Variants in DVL2 observed in about 807,000 individuals in gnomAD.
DVL2 encodes segment polarity protein dishevelled homolog DVL-2.
DVL2 carries 38 observed loss-of-function variants against 69.8 expected under a neutral mutation model. That is an observed-to-expected ratio of 0.54 (90% confidence interval 0.42 to 0.71). DVL2 has a LOEUF of 0.71. Among genes scored for constraint, DVL2 ranks in the 30% least tolerant of loss-of-function variants. DVL2 has a pLI of 0.00. For synonymous variants in DVL2, 428 were observed against 392.4 expected (o/e 1.09, Z -1.07); for missense variants, 931 against 1,008.1 (o/e 0.92, Z 1.04).
Position 7,227,684 on chromosome 17 carries a change from G to A in DVL2, c.1202C>T (p.Thr401Ile). The change falls in exon 11 of 15, where the codon ACC becomes ATC. Residue 401 changes from threonine (T) to isoleucine (I), a missense_variant. Physicochemically the swap from Thr to Ile is moderately conservative, Grantham distance 89. Around this residue, in one of 3 missense-constraint regions of DVL2, gnomAD observed 555 missense variants for 588.8 expected, o/e 0.94. Coordinates refer to ENST00000005340, the MANE Select transcript of DVL2 (RefSeq NM_004422.3). ...PAYPGSSSMS[T>I]ITSGSSLPDG... is the part of the protein sequence containing the mutation. ...AGGCAAAGACGATCCAGATGTAATG[G>A]TGCTCATGGAGGAGGAACCTGGATA... 1 of 1,613,976 alleles carries A rather than the reference G, an allele frequency of 6.2e-7. No individual in the cohort carries two copies. Among genetic ancestry groups the A allele is most frequent in the South Asian group, 1.1e-5 (1 of 91,032 alleles).
At position 7,234,497 on chromosome 17, in the gene DVL2, G is replaced by C; in HGVS notation, c.-235C>G. The C allele has an allele frequency of 3.7e-6, 2 of 537,478 alleles. No individual in the cohort carries two copies. The highest frequency in any genetic ancestry group is 6.4e-6 in the Non-Finnish European group (2 of 310,760). 33.3% of individuals were successfully genotyped at this position (537,478 alleles called of 1,614,324 possible). On this transcript the variant is annotated 5_prime_UTR_variant, in exon 1 of 15. Coordinates refer to ENST00000005340, the MANE Select transcript of DVL2 (RefSeq NM_004422.3). ...GCCGCGCGCCACCGCCACCGACGCCGCGAGCTTCCTCCAGGTACCCGCCCA... is the reference window on the plus strand; with the variant it reads ...GCCGCGCGCCACCGCCACCGACGCCCCGAGCTTCCTCCAGGTACCCGCCCA...
In DVL2 at chr17:7,226,086, G is replaced by A; in HGVS notation, c.1990C>T (p.Leu664Phe). 6.3e-7 allele frequency: 1 copy of A among 1,595,588 alleles called. No individual in the cohort carries two copies. The highest frequency in any genetic ancestry group is 8.5e-7 in the Non-Finnish European group (1 of 1,169,640). Residue 664 changes from leucine (L) to phenylalanine (F), a missense_variant, in exon 15 of 15, where the codon CTC becomes TTC. By Grantham distance (22) the Leu-to-Phe change is conservative. This residue lies in a region of DVL2 where 314 missense variants were observed against 313.7 expected (regional missense o/e 1.00). Transcript: ENST00000005340. ...GAPNLRAHPGLHPYGPPPGMA... is the reference protein window; with the variant it reads ...GAPNLRAHPGFHPYGPPPGMA... Reference sequence around the variant, plus strand: ...CCAGGGGGCGGTCCATAGGGATGGAGCCCTGGGTGGGCTCGGAGATTAGGG... The same window carrying A: ...CCAGGGGGCGGTCCATAGGGATGGAACCCTGGGTGGGCTCGGAGATTAGGG...
At chr17:7,233,317 C>G (rs2071575800) in intron 1 of DVL2, among the ~76,000 whole-genome samples, 1 of 152,062 alleles carries the variant, frequency 6.6e-6, no homozygotes, top group Admixed American at 6.6e-5. Flanking sequence ...ATACGGCTGC[C>G]TGTGCTAGCA....
At chr17:7,231,183 G>T (rs2071537274) in intron 1 of DVL2, among the ~76,000 whole-genome samples, 7 of 152,162 alleles carry the variant, frequency 4.6e-5, no homozygotes, top group Admixed American at 3.9e-4. Context: ...TTCCAAAAAG[G>T]TCAGGCACGG....
In DVL2 at chr17:7,233,087, C is replaced by CAAAAAAAAAAAAAAAAAAAAAAAAAAAA. The variant is rs59984818; in HGVS notation, c.194+981_194+982insTTTTTTTTTTTTTTTTTTTTTTTTTTTT. Among the ~76,000 whole-genome samples, 13 of 36,292 alleles carry CAAAAAAAAAAAAAAAAAAAAAAAAAAAA rather than the reference C, an allele frequency of 3.6e-4. 1 individual carries two copies. Among genetic ancestry groups the CAAAAAAAAAAAAAAAAAAAAAAAAAAAA allele is most frequent in the Non-Finnish European group, 4.3e-4 (7 of 16,266 alleles). The allele number at this position is 36,292 out of a possible 152,430, so 23.8% of individuals were successfully genotyped here. A position where few individuals can be genotyped will look rare whatever the true frequency, so the allele number is the denominator to read the frequency against. On this transcript the variant is annotated intron_variant, in intron 1 of 14. Transcript: ENST00000005340. ...CCTGGGCGACAGAGCGAGACTGTCTCAAAAAAAAAAAAAAAAAAAAGCAGA... is the reference window on the plus strand; with the variant it reads ...CCTGGGCGACAGAGCGAGACTGTCTCAAAAAAAAAAAAAAAAAAAAAAAAAAAAAAAAAAAAAAAAAAAAAAAAGCAGA...
rs2071594353 is a variant in DVL2, at chr17:7,234,050, A to G, written c.194+19T>C. ...CTCTAGCAAAGCCCCCGCCGGTCCT[A>G]TCTAGGCCTTGCGCTCACCCGAAAT... On this transcript the variant is annotated intron_variant, in intron 1 of 14. Coordinates refer to ENST00000005340, the MANE Select transcript of DVL2 (RefSeq NM_004422.3). 6.2e-7 allele frequency: 1 copy of G among 1,613,026 alleles called. No homozygotes were observed. The highest frequency in any genetic ancestry group is 8.5e-7 in the Non-Finnish European group (1 of 1,179,850).
rs759789780 is a variant in DVL2 at position 7,227,574 on chromosome 17, G to A, written c.1232-39C>T. On this transcript the variant is annotated intron_variant, in intron 11 of 14. Coordinates refer to ENST00000005340, the MANE Select transcript of DVL2 (RefSeq NM_004422.3). ...CAACGGGTAACCAGAGTCAGGGATC[G>A]CTCCCACAAGGGCAATGGATCAGAC... The A allele has an allele frequency of 2.7e-5, 43 of 1,612,702 alleles. No individual in the cohort carries two copies. In the Admixed American group the frequency reaches 4.7e-4, roughly 18 times the overall value.
chr17:7,234,173 C>T lies in DVL2; in HGVS notation c.90G>A (p.Lys30=). The T allele has an allele frequency of 6.2e-7, 1 of 1,614,184 alleles. No homozygotes were observed. The highest frequency in any genetic ancestry group is 1.1e-5 in the South Asian group (1 of 91,088). ...TGATGCGCTCGGCGGGGACAGGGAT[C>T]TTCACCAGGTAGGGAGTCTCTTCCT... is the stretch of plus-strand genomic sequence containing the variant. The part of the protein sequence containing the change: ...LDEEETPYLV[K]IPVPAERITL... Residue 30 remains lysine (K), a synonymous_variant, in exon 1 of 15, where the codon AAG becomes AAA. Coordinates refer to ENST00000005340, the MANE Select transcript of DVL2 (RefSeq NM_004422.3).
At chr17:7,231,931 G>C (rs1484751465) in intron 1 of DVL2, among the ~76,000 whole-genome samples, 2 of 149,412 alleles carry the variant, frequency 1.3e-5, no homozygotes, top group African/African-American at 4.9e-5. Flanking sequence ...TAGACTGAAA[G>C]CTCCCAAGGA....
Position 7,226,639 on chromosome 17 carries a change from T to A in DVL2, c.1544A>T (p.Tyr515Phe). ...GTCATTGAGAGACAGGTTGACTAGG[T>A]CTGGAAAGCAAGGGAAGAGAGGAAG... ...FGDLSGGCESYLVNLSLNDND... is the reference protein window; with the variant it reads ...FGDLSGGCESFLVNLSLNDND... Residue 515 changes from tyrosine to phenylalanine, a missense_variant and splice_region_variant, in exon 14 of 15, where the codon TAC becomes TTC. This residue lies in a region of DVL2 where 314 missense variants were observed against 313.7 expected (regional missense o/e 1.00). Transcript: ENST00000005340. The A allele has an allele frequency of 1.9e-6, 3 of 1,547,576 alleles. No individual in the cohort carries two copies. The highest frequency in any genetic ancestry group is 2.3e-5 in the East Asian group (1 of 43,440).
chr17:7,229,092 G>C lies in DVL2; in HGVS notation c.957+43C>G. On this transcript the variant is annotated intron_variant, in intron 8 of 14. Transcript: ENST00000005340. This position sits in a 1 kb window ranked among gnomAD's most constrained non-coding sequence, Gnocchi z 4.4. ...TCAGAGACACGGTGGGAGAGGCTGA[G>C]GGCCCCCGTGCAGGGCAGCTCAGTG... 1 of 1,614,074 alleles carries C rather than the reference G, an allele frequency of 6.2e-7. No homozygotes were observed. The highest frequency in any genetic ancestry group is 8.5e-7 in the Non-Finnish European group (1 of 1,179,992).
Position 7,229,198 on chromosome 17 carries a change from G to A in DVL2, c.894C>T (p.Ser298=), listed in dbSNP as rs1597548711. 6.2e-7 allele frequency: 1 copy of A among 1,614,174 alleles called. No homozygotes were observed. Among genetic ancestry groups the A allele is most frequent in the Non-Finnish European group, 8.5e-7 (1 of 1,180,030 alleles). Residue 298 remains serine, a synonymous_variant, in exon 8 of 15, where the codon TCC becomes TCT. Coordinates refer to ENST00000005340, the MANE Select transcript of DVL2 (RefSeq NM_004422.3). The surrounding 1 kb of genome is among the most constrained non-coding windows in gnomAD (Gnocchi z 4.4). ...ERGDGGIYIG[S]IMKGGAVAAD... is the part of the protein sequence containing the mutation. ...CCGCCACAGCCCCACCCTTCATGAT[G>A]GAGCCAATGTAGATGCCTCCGTCTC...
Position 7,229,804 on chromosome 17 carries a change from A to T in DVL2, c.656+4T>A, listed in dbSNP as rs1473619045. On this transcript the variant is annotated splice_donor_region_variant and intron_variant, in intron 5 of 14. Coordinates refer to ENST00000005340, the MANE Select transcript of DVL2 (RefSeq NM_004422.3). This position sits in a 1 kb window ranked among gnomAD's most constrained non-coding sequence, Gnocchi z 4.4. ...GCGCTGGGGAGAGCTGTGCGGAGCC[A>T]CACCTGCTCATGGTGTCCTCCTCGT... The T allele has an allele frequency of 4.3e-6, 7 of 1,611,088 alleles. No individual in the cohort carries two copies. The highest frequency in any genetic ancestry group is 3.4e-6 in the Non-Finnish European group (4 of 1,178,678).
At position 7,229,680 on chromosome 17, in the gene DVL2, T is replaced by C. The variant is rs979671139; in HGVS notation, c.657-2A>G. 7 of 1,552,912 alleles carry C rather than the reference T, an allele frequency of 4.5e-6. No individual in the cohort carries two copies. The highest frequency in any genetic ancestry group is 5.2e-6 in the Non-Finnish European group (6 of 1,147,422). On this transcript the variant is annotated splice_acceptor_variant, in intron 5 of 14. Transcript: ENST00000005340. LOFTEE classifies it high-confidence loss of function. This position sits in a 1 kb window ranked among gnomAD's most constrained non-coding sequence, Gnocchi z 4.4. ...CTCTGCTCCGTGGAGCTGCTGAACCTACCAGGAGGTTGGGAAGGAGAGCAA... is the reference window on the plus strand; with the variant it reads ...CTCTGCTCCGTGGAGCTGCTGAACCCACCAGGAGGTTGGGAAGGAGAGCAA...
At chr17:7,232,288 C>G (rs1237696417) in intron 1 of DVL2, among the ~76,000 whole-genome samples, 1 of 152,214 alleles carries the variant, frequency 6.6e-6, no homozygotes, top group Non-Finnish European at 1.5e-5. Flanking sequence ...GACACCTTGT[C>G]TAATTAACCC....
chr17:7,226,056 C>A lies in DVL2; in HGVS notation c.2020G>T (p.Ala674Ser). The A allele has an allele frequency of 6.2e-7, 1 of 1,605,602 alleles. No homozygotes were observed. Among genetic ancestry groups the A allele is most frequent in the Admixed American group, 1.7e-5 (1 of 59,298 alleles). Residue 674 changes from alanine to serine, a missense_variant, in exon 15 of 15, where the codon GCC (alanine) becomes TCC (serine). Ala to Ser is a moderately conservative substitution (Grantham distance 99). Transcript: ENST00000005340. ...LHPYGPPPGM[A>S]LPYNPMMVVM... ...ACCATCATGGGGTTGTAGGGGAGGG[C>A]CATGCCAGGGGGCGGTCCATAGGGA...
intron 13 of DVL2, 101 bp from the exon 14 acceptor site, chr17:7,226,740 C>G (rs2071458538): frequency 1.1e-6 from 1 of 922,686 alleles, no homozygotes; most frequent in African/African-American, 1.7e-5. Context: ...CCAGACCCAC[C>G]CACGATGGGG....
rs1232129416 is a variant in DVL2, at chr17:7,229,482, T to G, written c.748-35A>C. On this transcript the variant is annotated intron_variant, in intron 6 of 14. Transcript: ENST00000005340. The surrounding 1 kb of genome is among the most constrained non-coding windows in gnomAD (Gnocchi z 4.4). ...GAAAAGGAGCCAGAGTGCCCTTCAA[T>G]AACCCAGGGTCAACCCTGGGGTGCT... 6.2e-7 allele frequency: 1 copy of G among 1,613,742 alleles called. No individual in the cohort carries two copies. Among genetic ancestry groups the G allele is most frequent in the Admixed American group, 1.7e-5 (1 of 60,024 alleles).
In DVL2 at chr17:7,225,453, G is replaced by C. The variant is rs2071427097; in HGVS notation, c.*412C>G. ...CCCAGCTTCCTCAGGCTGCTGTCTA[G>C]GATGCCTAACCCCGGGGTACCGCTG... On this transcript the variant is annotated 3_prime_UTR_variant, in exon 15 of 15. Coordinates refer to ENST00000005340, the MANE Select transcript of DVL2 (RefSeq NM_004422.3). 3 of 436,708 alleles carry C rather than the reference G, an allele frequency of 6.9e-6. No homozygotes were observed. The highest frequency in any genetic ancestry group is 9.7e-5 in the East Asian group (2 of 20,534). The allele number at this position is 436,708 out of a possible 1,614,324, so 27.1% of individuals were successfully genotyped here.
Sources: gnomAD v4.1 joint callset for allele counts (sites outside exome capture counted in the v4.1 genomes callset) on GRCh38, gnomAD v4.1.1 for gene constraint, gnomAD v4.1.1 regional missense constraint, Gnocchi (gnomAD v3.1) non-coding constraint, MANE v1.5 for transcripts, NCBI Gene and HGNC (gene_info 2026-07-23, HGNC 2026-07-21) for gene names.